XYLT1: variants seen among roughly 807,000 people sequenced by gnomAD.
XYLT1 encodes xylosyltransferase 1.
Under a neutral mutation model 91.3 loss-of-function variants are expected in XYLT1, and 36 were observed. The observed-to-expected ratio is 0.39, with a 90% CI of 0.30 to 0.52. The LOEUF (loss-of-function observed/expected upper bound fraction) is 0.52, where lower values mean the gene tolerates loss of function less well. Ranked by LOEUF, XYLT1 falls within the 20% of genes least tolerant of loss-of-function variation. XYLT1 has a pLI of 0.68. For synonymous variants in XYLT1, 588 were observed against 532.0 expected, an observed-to-expected ratio of 1.11 and a Z score of -1.45; for missense variants, 1,242 against 1,284.5, an observed-to-expected ratio of 0.97 and a Z score of 0.51.
intron 1 of XYLT1, among the ~76,000 whole-genome samples, chr16:17,463,991 A>T (rs1028710370): frequency 6.6e-5 from 10 of 152,226 alleles, no homozygotes; most frequent in Non-Finnish European, 1.3e-4. Flanking sequence ...GCACTTAGAG[A>T]CAAATATCAC....
intron 1 of XYLT1, among the ~76,000 whole-genome samples, chr16:17,415,558 G>A (rs543398933): frequency 6.6e-6 from 1 of 152,328 alleles, no homozygotes; most frequent in East Asian, 1.9e-4. Context: ...TGGGTGTGGT[G>A]GCACGTGACT....
chr16:17,239,918 T>C (rs1185333297), intron 3 of XYLT1, among the ~76,000 whole-genome samples: 1 of 152,204 alleles, frequency 6.6e-6, no homozygotes, highest in Non-Finnish European at 1.5e-5. Context: ...TATCCACCCA[T>C]CTTCTCATTC....
chr16:17,185,020 C>A (rs1395980072), intron 5 of XYLT1, among the ~76,000 whole-genome samples: 3 of 152,218 alleles, frequency 2.0e-5, no homozygotes. Flanking sequence ...AGCCCATAGA[C>A]CACTCTTGGC....
At chr16:17,152,309 G>A (rs142788528) in intron 6 of XYLT1, among the ~76,000 whole-genome samples, 72 of 152,340 alleles carry the variant, frequency 4.7e-4, no homozygotes, top group South Asian at 1.7e-3. Flanking sequence ...TTTTGTGTGG[G>A]TGCCTACATA....
chr16:17,148,866 G>A (rs1453569937), intron 6 of XYLT1, among the ~76,000 whole-genome samples: 1 of 152,240 alleles, frequency 6.6e-6, no homozygotes, highest in Non-Finnish European at 1.5e-5. Context: ...CTTATTGTTG[G>A]CTTTGGAAGA....
intron 2 of XYLT1, among the ~76,000 whole-genome samples, chr16:17,349,647 G>A (rs1231843214): frequency 2.0e-5 from 3 of 151,260 alleles, no homozygotes; most frequent in Admixed American, 1.3e-4. Context: ...TTGCGCCTCA[G>A]TTTCTCATCT....
chr16:17,259,868 G>T (rs1445625785), intron 2 of XYLT1, among the ~76,000 whole-genome samples: 2 of 152,098 alleles, frequency 1.3e-5, no homozygotes, highest in Non-Finnish European at 2.9e-5. Flanking sequence ...GTGCTGTGAT[G>T]GTTTACTTAA....
rs1244830047 is a variant in XYLT1, at chr16:17,259,352, C to T, written c.549G>A (p.Lys183=). The T allele has an allele frequency of 5.0e-6, 8 of 1,614,078 alleles. No individual in the cohort carries two copies. The highest frequency in any genetic ancestry group is 5.9e-6 in the Non-Finnish European group (7 of 1,180,054). ...GCTCCTTCTGTCTACTCGGTGGCTTCTTCGCCAACTCAGGCTGGTGCTTCT... is the reference window on the plus strand; with the variant it reads ...GCTCCTTCTGTCTACTCGGTGGCTTTTTCGCCAACTCAGGCTGGTGCTTCT... ...QKQKHQPELA[K]KPPSRQKELL... The change falls in exon 3 of 12, where the codon AAG becomes AAA. Residue 183 remains lysine, a synonymous_variant. Coordinates refer to ENST00000261381, the MANE Select transcript of XYLT1 (RefSeq NM_022166.4).
chr16:17,207,588 G>T (rs1271481551), intron 3 of XYLT1, among the ~76,000 whole-genome samples: 2 of 152,170 alleles, frequency 1.3e-5, no homozygotes, highest in Non-Finnish European at 2.9e-5. Flanking sequence ...GGCCTGAGAG[G>T]TTGCCCATGG....
chr16:17,416,044 G>A (rs1053460458), intron 1 of XYLT1, among the ~76,000 whole-genome samples: 3 of 152,330 alleles, frequency 2.0e-5, no homozygotes, highest in African/African-American at 4.8e-5. Flanking sequence ...AATGAGAGGA[G>A]AGCAGAGGTC....
chr16:17,173,673 A>C (rs1224113991), intron 5 of XYLT1, among the ~76,000 whole-genome samples: 1 of 152,266 alleles, frequency 6.6e-6, no homozygotes, highest in African/African-American at 2.4e-5. Context: ...CTTTCATGCT[A>C]AGGCAGATAC....
intron 1 of XYLT1, among the ~76,000 whole-genome samples, chr16:17,449,112 C>A (rs1002963053): frequency 6.6e-6 from 1 of 152,228 alleles, no homozygotes; most frequent in Non-Finnish European, 1.5e-5. Context: ...CTCACCCACA[C>A]GCCCAAGGAA....
Position 17,315,827 on chromosome 16 carries a change from A to C in XYLT1, c.402+42185T>G, listed in dbSNP as rs571693083. ...TTTGACCCTATACCCAGTTTCTCTG[A>C]ACTCAAATTAGATGACCTTGCCCTG... is the stretch of plus-strand genomic sequence containing the variant. On this transcript the variant is annotated intron_variant, in intron 2 of 11. Transcript: ENST00000261381. 3.5e-4 allele frequency among the ~76,000 whole-genome samples: 54 copies of C among 152,248 alleles called. 1 individual carries two copies. In the South Asian group the frequency reaches 0.011, roughly 31 times the overall value.
chr16:17,331,359 C>T (rs1489743846), intron 2 of XYLT1, among the ~76,000 whole-genome samples: 1 of 152,230 alleles, frequency 6.6e-6, no homozygotes. Context: ...CATCAACTAA[C>T]AGCCTGGCTC....
At chr16:17,139,559 AGCC>A (rs1209906843) in intron 7 of XYLT1, among the ~76,000 whole-genome samples, 1 of 152,202 alleles carries the variant, frequency 6.6e-6, no homozygotes, top group Admixed American at 6.5e-5. Flanking sequence ...ATGAGGCTCC[AGCC>A]GCCACCCCCT....
intron 2 of XYLT1, among the ~76,000 whole-genome samples, chr16:17,344,172 A>G (rs1006653623): frequency 1.3e-5 from 2 of 152,036 alleles, no homozygotes; most frequent in African/African-American, 2.4e-5. Context: ...ACATTCTACA[A>G]TGCAGAGAAC....
intron 2 of XYLT1, among the ~76,000 whole-genome samples, 171 bp downstream of exon 2, chr16:17,357,841 C>T (rs142465050): frequency 6.6e-5 from 10 of 152,366 alleles, no homozygotes; most frequent in East Asian, 3.9e-4. Flanking sequence ...ATTGCACACA[C>T]GTGTACACTA....
chr16:17,310,228 G>A (rs1312905505), intron 2 of XYLT1, among the ~76,000 whole-genome samples: 1 of 152,082 alleles, frequency 6.6e-6, no homozygotes, highest in Admixed American at 6.6e-5. Flanking sequence ...GCCATTACCA[G>A]GTTTTCACTC....
At chr16:17,166,230 C>CTGCA (rs1221452972) in intron 5 of XYLT1, among the ~76,000 whole-genome samples, 6 of 152,354 alleles carry the variant, frequency 3.9e-5, no homozygotes, top group African/African-American at 1.4e-4. Context: ...GGAGCAGCTG[C>CTGCA]TGCAGCTGGT....
Sources: gnomAD v4.1 joint callset for allele counts (sites outside exome capture counted in the v4.1 genomes callset) on GRCh38, gnomAD v4.1.1 for gene constraint, MANE v1.5 for transcripts, NCBI Gene and HGNC (gene_info 2026-07-23, HGNC 2026-07-21) for gene names.